SLIT2: variants seen among roughly 807,000 people sequenced by gnomAD.
SLIT2 encodes slit guidance ligand 2, also known as slit homolog 2 protein.
Under a neutral mutation model 185.7 loss-of-function variants are expected in SLIT2, and 41 were observed. That is an observed-to-expected ratio of 0.22 (90% CI 0.17 to 0.29). The LOEUF (loss-of-function observed/expected upper bound fraction) is 0.29. SLIT2 is among the 10% of genes least tolerant of loss of function. The pLI, the probability that SLIT2 is intolerant of heterozygous loss-of-function variation, is 1.00. For missense variants in SLIT2, 1,571 were observed against 1,909.0 expected (o/e 0.82, Z 3.30); for synonymous variants, 693 against 680.2 (o/e 1.02, Z -0.29).
Position 20,542,547 on chromosome 4 carries a change from T to G in SLIT2, c.2197T>G (p.Cys733Gly), listed in dbSNP as rs781602413. ...PLSRCPTECT[C>G]LDTVVRCSNK... ...TTCTCGCTGTCCTACTGAATGTACT[T>G]GCTTGGATACAGTCGTCCGATGTAG... The change falls in exon 21 of 37, where the codon TGC becomes GGC. Residue 733 changes from cysteine to glycine, a missense_variant. Cys to Gly is a radical substitution (Grantham distance 159). This residue lies in a region of SLIT2 where 1,202 missense variants were observed against 1,416.4 expected (regional missense o/e 0.85). Coordinates refer to ENST00000504154, the MANE Select transcript of SLIT2 (RefSeq NM_004787.4). 15 of 1,613,668 alleles carry G rather than the reference T, an allele frequency of 9.3e-6. No individual in the cohort carries two copies. Among genetic ancestry groups the G allele is most frequent in the African/African-American group, 1.3e-5 (1 of 74,922 alleles).
intron 4 of SLIT2, among the ~76,000 whole-genome samples, chr4:20,274,742 GTTT>G (rs35101905): frequency 1.0e-4 from 15 of 144,726 alleles, no homozygotes; most frequent in African/African-American, 3.8e-4. Context: ...AAGTTTCTGT[GTTT>G]TTTTTTTTTT....
chr4:20,378,707 T>A (rs1179526155), intron 4 of SLIT2, among the ~76,000 whole-genome samples: 1 of 152,120 alleles, frequency 6.6e-6, no homozygotes. Flanking sequence ...TTAGCCAGTT[T>A]CTTACTAAGC....
At chr4:20,544,158 G>T (rs1723056735) in intron 21 of SLIT2, among the ~76,000 whole-genome samples, 1 of 151,892 alleles carries the variant, frequency 6.6e-6, no homozygotes. Flanking sequence ...ATGTACCCTA[G>T]AATTTAAAGT....
At chr4:20,598,425 G>A in intron 33 of SLIT2, 30 bp downstream of exon 33, 1 of 1,610,430 alleles carries the variant, frequency 6.2e-7, no homozygotes, top group Non-Finnish European at 8.5e-7. Context: ...GGGTAAAGGT[G>A]AAAAAAATTG....
intron 9 of SLIT2, among the ~76,000 whole-genome samples, chr4:20,497,248 TA>T (rs987426450): frequency 3.6e-5 from 3 of 83,784 alleles, no homozygotes; most frequent in African/African-American, 1.6e-4. Flanking sequence ...CTTTGTTGTT[TA>T]AAAAAAACTT....
chr4:20,361,158 G>T (rs1722710218), intron 4 of SLIT2, among the ~76,000 whole-genome samples: 2 of 152,066 alleles, frequency 1.3e-5, no homozygotes, highest in South Asian at 4.1e-4. Context: ...CCTTAGGTGA[G>T]TGGTTTTCAA....
At chr4:20,531,612 T>C (rs1006566775) in intron 16 of SLIT2, among the ~76,000 whole-genome samples, 1 of 152,166 alleles carries the variant, frequency 6.6e-6, no homozygotes, top group African/African-American at 2.4e-5. Context: ...GTTTGCATTC[T>C]AATAAAGCTG....
At chr4:20,291,717 A>T (rs1464452538) in intron 4 of SLIT2, among the ~76,000 whole-genome samples, 1 of 151,876 alleles carries the variant, frequency 6.6e-6, no homozygotes, top group Admixed American at 6.6e-5. Flanking sequence ...CGTATGTTCA[A>T]AAAATTTTGC....
At chr4:20,563,791 C>T (rs1724879899) in intron 26 of SLIT2, among the ~76,000 whole-genome samples, 1 of 151,876 alleles carries the variant, frequency 6.6e-6, no homozygotes, top group Non-Finnish European at 1.5e-5. Context: ...TTCCAACTCT[C>T]TGGAAGTCTA....
chr4:20,425,502 T>C (rs995341260), intron 4 of SLIT2, among the ~76,000 whole-genome samples: 1 of 152,184 alleles, frequency 6.6e-6, no homozygotes, highest in Non-Finnish European at 1.5e-5. Flanking sequence ...AAAAAATAAG[T>C]TTATACACGT....
intron 4 of SLIT2, among the ~76,000 whole-genome samples, chr4:20,351,337 C>G (rs1721859812): frequency 6.6e-6 from 1 of 152,188 alleles, no homozygotes; most frequent in South Asian, 2.1e-4. Flanking sequence ...GCATGAGCCA[C>G]CACACCCGGC....
intron 4 of SLIT2, among the ~76,000 whole-genome samples, chr4:20,343,802 TAA>T (rs34514669): frequency 4.1e-4 from 54 of 130,588 alleles, no homozygotes; most frequent in African/African-American, 1.1e-3. Flanking sequence ...TCCTTAAAAC[TAA>T]AAAAAAAAAA....
At chr4:20,407,295 A>G (rs1726851210) in intron 4 of SLIT2, among the ~76,000 whole-genome samples, 1 of 152,166 alleles carries the variant, frequency 6.6e-6, no homozygotes. Context: ...ACACTGTTCT[A>G]AAATTCAACA....
chr4:20,441,973 T>C (rs570328548), intron 4 of SLIT2, among the ~76,000 whole-genome samples: 2 of 152,206 alleles, frequency 1.3e-5, no homozygotes, highest in South Asian at 4.1e-4. Context: ...AACAAGAATA[T>C]GGTAGCTACA....
chr4:20,419,563 C>T (rs754218423), intron 4 of SLIT2, among the ~76,000 whole-genome samples: 1 of 151,842 alleles, frequency 6.6e-6, no homozygotes, highest in Non-Finnish European at 1.5e-5. Flanking sequence ...GCCTGTATTA[C>T]CTAAAGCAAT....
At chr4:20,438,411 T>A (rs544612705) in intron 4 of SLIT2, among the ~76,000 whole-genome samples, 1 of 152,156 alleles carries the variant, frequency 6.6e-6, no homozygotes, top group East Asian at 1.9e-4. Flanking sequence ...AGAGAGAGTT[T>A]GTGTGGCGAA....
At chr4:20,584,486 T>G (rs1292727932) in intron 29 of SLIT2, among the ~76,000 whole-genome samples, 1 of 152,202 alleles carries the variant, frequency 6.6e-6, no homozygotes, top group Non-Finnish European at 1.5e-5. Flanking sequence ...GACAATTACG[T>G]TGGGACAACG....
intron 15 of SLIT2, among the ~76,000 whole-genome samples, chr4:20,526,234 C>A (rs1721280487): frequency 6.6e-6 from 1 of 152,088 alleles, no homozygotes; most frequent in South Asian, 2.1e-4. Context: ...TATTGAATTA[C>A]AATTTGTATA....
intron 29 of SLIT2, among the ~76,000 whole-genome samples, chr4:20,574,527 C>A (rs112859465): frequency 0.015 from 2,230 of 152,232 alleles, 27 homozygotes; most frequent in Non-Finnish European, 0.021. Flanking sequence ...TGGCTTACGC[C>A]TGCAATCCCA....
Sources: allele counts gnomAD v4.1 joint callset (sites outside exome capture counted in the v4.1 genomes callset), GRCh38; gene constraint gnomAD v4.1.1; regional missense constraint gnomAD v4.1.1; transcripts MANE v1.5; gene names NCBI Gene and HGNC (gene_info 2026-07-23, HGNC 2026-07-21).